The following STPG2 variants were observed in gnomAD, a reference collection of about 807,000 sequenced individuals.
STPG2 encodes the protein sperm tail PG-rich repeat containing 2.
STPG2 carries 56 observed loss-of-function variants against 54.2 expected under a neutral mutation model. That is an observed-to-expected ratio of 1.03 (90% CI 0.83 to 1.29). STPG2 has a LOEUF of 1.29. Among genes scored for constraint, STPG2 ranks in the 50% most tolerant of loss-of-function variants. The pLI, the probability that STPG2 is intolerant of heterozygous loss-of-function variation, is 0.00. For synonymous variants in STPG2, 200 were observed against 181.8 expected, an observed-to-expected ratio of 1.10 and a Z score of -0.81; for missense variants, 596 against 544.9, an observed-to-expected ratio of 1.09 and a Z score of -0.93.
chr4:97,709,387 T>C (rs1307935310), intron 10 of STPG2, among the ~76,000 whole-genome samples: 1 of 151,550 alleles, frequency 6.6e-6, no homozygotes, highest in Non-Finnish European at 1.5e-5. Context: ...TTTATCTCAC[T>C]TATATTGTCC....
intron 2 of STPG2, among the ~76,000 whole-genome samples, chr4:98,131,467 T>C (rs1170859971): frequency 6.6e-6 from 1 of 152,148 alleles, no homozygotes; most frequent in African/African-American, 2.4e-5. Context: ...ACACGAAATA[T>C]CTGCAATTTA....
At chr4:98,031,600 G>A (rs1054422785) in intron 5 of STPG2, among the ~76,000 whole-genome samples, 11 of 152,000 alleles carry the variant, frequency 7.2e-5, no homozygotes, top group South Asian at 4.1e-4. Flanking sequence ...CAGCAGAATC[G>A]CTTGAAACCG....
chr4:97,932,260 C>T (rs1385379121), intron 8 of STPG2, among the ~76,000 whole-genome samples: 2 of 152,036 alleles, frequency 1.3e-5, no homozygotes, highest in Non-Finnish European at 2.9e-5. Context: ...CCGATTTTTG[C>T]TATTTTTCAT....
chr4:97,572,021 C>T (rs944891325), intron 10 of STPG2, among the ~76,000 whole-genome samples: 4 of 152,146 alleles, frequency 2.6e-5, no homozygotes, highest in African/African-American at 4.8e-5. Flanking sequence ...GTGAAATAAT[C>T]GCTCAAAATG....
intron 10 of STPG2, among the ~76,000 whole-genome samples, chr4:97,676,256 C>T (rs531046325): frequency 6.6e-6 from 1 of 151,454 alleles, no homozygotes; most frequent in South Asian, 2.1e-4. Flanking sequence ...GCTTACCTAC[C>T]AGCTATTTCA....
intron 10 of STPG2, among the ~76,000 whole-genome samples, chr4:97,604,244 T>TG (rs1733537360): frequency 6.6e-6 from 1 of 151,624 alleles, no homozygotes; most frequent in Non-Finnish European, 1.5e-5. Flanking sequence ...GGGAGAAATT[T>TG]GGAAAAGGGA....
At chr4:97,850,370 AAAAAAG>A (rs905249298) in intron 8 of STPG2, among the ~76,000 whole-genome samples, 38 of 151,516 alleles carry the variant, frequency 2.5e-4, no homozygotes, top group African/African-American at 8.9e-4. Flanking sequence ...GCAAAAAAAG[AAAAAAG>A]AAAAAGAAAA....
At chr4:98,003,930 T>C (rs568491881) in intron 5 of STPG2, among the ~76,000 whole-genome samples, 4 of 152,138 alleles carry the variant, frequency 2.6e-5, no homozygotes, top group African/African-American at 7.2e-5. Context: ...TTTTGATGTA[T>C]GAAAACATTG....
chr4:98,044,824 C>G (rs1407805234), intron 5 of STPG2, among the ~76,000 whole-genome samples: 1 of 152,158 alleles, frequency 6.6e-6, no homozygotes, highest in Non-Finnish European at 1.5e-5. Flanking sequence ...GATGGTTCTT[C>G]TAATCAAACT....
intron 10 of STPG2, among the ~76,000 whole-genome samples, chr4:97,569,519 G>A (rs560596882): frequency 5.3e-5 from 8 of 151,914 alleles, no homozygotes; most frequent in South Asian, 2.1e-4. Flanking sequence ...AGATGGAATC[G>A]CCTCGATTCA....
chr4:97,624,027 C>T (rs1734079268), intron 10 of STPG2, among the ~76,000 whole-genome samples: 6 of 152,106 alleles, frequency 3.9e-5, no homozygotes, highest in Admixed American at 3.9e-4. Flanking sequence ...TTTTCTTTAT[C>T]CAGTCTATCA....
At position 97,677,432 on chromosome 4, in the gene STPG2, G is replaced by A. The variant is rs532870293; in HGVS notation, c.1320+35267C>T. ...ATAGTTTATAAAGCCAGATTTAATA[G>A]ATGTCTGCAACACTTTTGAATGTGT... On this transcript the variant is annotated intron_variant, in intron 10 of 10. Coordinates refer to ENST00000295268, the MANE Select transcript of STPG2 (RefSeq NM_174952.3). 2.0e-5 allele frequency among the ~76,000 whole-genome samples: 3 copies of A among 152,196 alleles called. No homozygotes were observed. In the East Asian group the frequency reaches 5.8e-4, roughly 29 times the overall value.
At chr4:98,123,401 T>C (rs765271805) in intron 3 of STPG2, among the ~76,000 whole-genome samples, 3 of 152,218 alleles carry the variant, frequency 2.0e-5, no homozygotes, top group Non-Finnish European at 4.4e-5. Context: ...TTGTTCTCTT[T>C]AGTTTCAAAG....
chr4:97,555,537 G>A (rs930577778), downstream of STPG2, among the ~76,000 whole-genome samples: 2 of 152,116 alleles, frequency 1.3e-5, no homozygotes, highest in Admixed American at 6.6e-5. Context: ...TAGAAAGAAT[G>A]ATGGTGAGAC....
intron 5 of STPG2, among the ~76,000 whole-genome samples, chr4:98,011,818 T>A: frequency 6.6e-6 from 1 of 152,366 alleles, no homozygotes; most frequent in East Asian, 1.9e-4. Context: ...TTTGTTTTTC[T>A]TGTAAATTTG....
At chr4:97,770,692 TG>T (rs1726190334) in intron 9 of STPG2, among the ~76,000 whole-genome samples, 1 of 152,130 alleles carries the variant, frequency 6.6e-6, no homozygotes, top group East Asian at 1.9e-4. Context: ...GGAATCTGGA[TG>T]TATTTTGAAG....
intron 10 of STPG2, among the ~76,000 whole-genome samples, chr4:97,637,899 G>A (rs954231863): frequency 6.6e-5 from 10 of 152,072 alleles, no homozygotes; most frequent in Admixed American, 2.6e-4. Flanking sequence ...AATCAATATC[G>A]TGAAAATGGC....
intron 4 of STPG2, among the ~76,000 whole-genome samples, chr4:97,490,664 T>G (rs1175931122): frequency 6.6e-6 from 1 of 151,684 alleles, no homozygotes; most frequent in South Asian, 2.1e-4. Context: ...ACTGTCTGCA[T>G]GTATAGGTTG....
chr4:97,497,399 T>G (rs1323441553), intron 4 of STPG2, among the ~76,000 whole-genome samples: 1 of 151,894 alleles, frequency 6.6e-6, no homozygotes, highest in Admixed American at 6.6e-5. Flanking sequence ...AATGCTTCAG[T>G]TAAGTTCTAG....
Sources: allele counts gnomAD v4.1 joint callset (sites outside exome capture counted in the v4.1 genomes callset), GRCh38; gene constraint gnomAD v4.1.1; transcripts MANE v1.5; gene names NCBI Gene and HGNC (gene_info 2026-07-23, HGNC 2026-07-21).